The following ARHGAP26 variants were observed in gnomAD, a reference collection of about 807,000 sequenced individuals.
The protein encoded by ARHGAP26 is rho GTPase-activating protein 26.
A neutral mutation model predicts 104.8 loss-of-function variants in ARHGAP26; 38 were observed. That is an observed-to-expected ratio of 0.36 (90% confidence interval 0.28 to 0.48). The LOEUF (loss-of-function observed/expected upper bound fraction) is 0.48, where lower values mean the gene tolerates loss of function less well. Among genes scored for constraint, ARHGAP26 ranks in the 20% least tolerant of loss-of-function variants. The pLI is 0.99. For missense variants in ARHGAP26, 704 were observed against 947.9 expected (o/e 0.74, Z 3.38); for synonymous variants, 341 against 340.0 (o/e 1.00, Z -0.03).
intron 20 of ARHGAP26, among the ~76,000 whole-genome samples, chr5:143,162,490 A>G (rs1000088755): frequency 6.6e-6 from 1 of 152,182 alleles, no homozygotes; most frequent in African/African-American, 2.4e-5. Flanking sequence ...TGCTAATCCA[A>G]TAGAGACAAG....
intron 17 of ARHGAP26, among the ~76,000 whole-genome samples, chr5:143,063,069 C>A (rs1048068401): frequency 6.6e-6 from 1 of 152,196 alleles, no homozygotes; most frequent in Non-Finnish European, 1.5e-5. Context: ...CACTGAACAC[C>A]GCAGTGCTGC....
At chr5:143,135,231 T>C (rs910764220) in intron 19 of ARHGAP26, among the ~76,000 whole-genome samples, 12 of 152,228 alleles carry the variant, frequency 7.9e-5, no homozygotes, top group Non-Finnish European at 1.6e-4. Flanking sequence ...GGAAGTTACC[T>C]AATATCTCAG....
chr5:142,883,610 G>A (rs1757305131), intron 4 of ARHGAP26, among the ~76,000 whole-genome samples: 1 of 152,326 alleles, frequency 6.6e-6, no homozygotes, highest in Admixed American at 6.5e-5. Context: ...TAGGGCTCCG[G>A]GTGATGGCTT....
intron 11 of ARHGAP26, among the ~76,000 whole-genome samples, chr5:142,997,576 A>ATTTT (rs34395064): frequency 8.3e-6 from 1 of 120,674 alleles, no homozygotes. Flanking sequence ...TGCCTGGCTG[A>ATTTT]TTTTTTTTTT....
intron 20 of ARHGAP26, chr5:143,147,592 A>G (rs1489643687): frequency 1.7e-5 from 9 of 536,272 alleles, no homozygotes; most frequent in Non-Finnish European, 2.9e-5. Flanking sequence ...ACTGCTTCTT[A>G]GCCTTGGTGA....
chr5:142,778,897 C>G (rs1286495052), intron 1 of ARHGAP26, among the ~76,000 whole-genome samples: 2 of 151,680 alleles, frequency 1.3e-5, no homozygotes, highest in East Asian at 3.9e-4. Context: ...CTTAACAGAC[C>G]CTTCTGTTAG....
chr5:142,985,765 T>A (rs1774620584), intron 11 of ARHGAP26, among the ~76,000 whole-genome samples: 1 of 151,722 alleles, frequency 6.6e-6, no homozygotes, highest in Non-Finnish European at 1.5e-5. Context: ...TGTTTGGTTT[T>A]CTGTCCTTGC....
At chr5:143,071,763 G>A (rs1038819501) in intron 17 of ARHGAP26, among the ~76,000 whole-genome samples, 7 of 152,124 alleles carry the variant, frequency 4.6e-5, no homozygotes, top group African/African-American at 1.4e-4. Flanking sequence ...AATTAGCCAG[G>A]CGTGGTGGCA....
At chr5:142,988,337 T>C (rs887345249) in intron 11 of ARHGAP26, among the ~76,000 whole-genome samples, 2 of 152,214 alleles carry the variant, frequency 1.3e-5, no homozygotes, top group Non-Finnish European at 2.9e-5. Flanking sequence ...GGTGGTGATA[T>C]CCCCTTTATC....
intron 1 of ARHGAP26, chr5:142,771,413 A>C (rs1019184194): frequency 8.1e-7 from 1 of 1,231,820 alleles, no homozygotes; most frequent in Non-Finnish European, 1.0e-6. Flanking sequence ...ACGCAGCTCC[A>C]GCCTAGTCAG....
chr5:143,191,927 C>T (rs571245951), intron 20 of ARHGAP26, among the ~76,000 whole-genome samples: 2 of 148,546 alleles, frequency 1.3e-5, no homozygotes, highest in South Asian at 2.1e-4. Context: ...AGAGCTGTAC[C>T]GTTTTATGAC....
intron 10 of ARHGAP26, among the ~76,000 whole-genome samples, chr5:142,929,320 G>A (rs1267991065): frequency 1.3e-5 from 2 of 152,116 alleles, no homozygotes; most frequent in Admixed American, 6.5e-5. Context: ...TTTCAAACAT[G>A]AATTAAATTG....
At chr5:143,197,963 A>G (rs1048610325) in intron 20 of ARHGAP26, among the ~76,000 whole-genome samples, 2 of 152,232 alleles carry the variant, frequency 1.3e-5, no homozygotes, top group Non-Finnish European at 2.9e-5. Flanking sequence ...TGTCTAGTCC[A>G]TATCTGTACA....
chr5:142,942,525 G>A (rs1015559775), intron 11 of ARHGAP26, among the ~76,000 whole-genome samples: 1 of 152,162 alleles, frequency 6.6e-6, no homozygotes, highest in Non-Finnish European at 1.5e-5. Context: ...CTACTGTGGT[G>A]TGTTGCCTGC....
At chr5:143,145,496 T>G (rs1799047184) in intron 19 of ARHGAP26, among the ~76,000 whole-genome samples, 1 of 152,198 alleles carries the variant, frequency 6.6e-6, no homozygotes, top group Admixed American at 6.5e-5. Flanking sequence ...AAAATTTTAC[T>G]GATACTGATT....
chr5:143,065,256 T>C (rs1449036719), intron 17 of ARHGAP26, among the ~76,000 whole-genome samples: 1 of 152,094 alleles, frequency 6.6e-6, no homozygotes, highest in African/African-American at 2.4e-5. Context: ...ATGCCTCTCT[T>C]TTTGGCTGAG....
intron 19 of ARHGAP26, 135 bp from the exon 20 acceptor site, chr5:143,147,096 C>A: frequency 9.0e-7 from 1 of 1,105,128 alleles, no homozygotes; most frequent in Non-Finnish European, 1.3e-6. Context: ...TTAACCTTTT[C>A]TATGTTGTTT....
At chr5:142,808,724 C>G (rs1416215998) in intron 1 of ARHGAP26, among the ~76,000 whole-genome samples, 1 of 152,014 alleles carries the variant, frequency 6.6e-6, no homozygotes, top group African/African-American at 2.4e-5. Context: ...AGAGCATGGT[C>G]CATCTGTTTG....
intron 1 of ARHGAP26, among the ~76,000 whole-genome samples, chr5:142,848,205 C>T (rs1470435600): frequency 2.6e-5 from 4 of 152,142 alleles, no homozygotes; most frequent in Admixed American, 6.5e-5. Flanking sequence ...CTCTCTCAGC[C>T]GCCTGGTATT....
Sources: gnomAD v4.1 joint callset for allele counts (sites outside exome capture counted in the v4.1 genomes callset) on GRCh38, gnomAD v4.1.1 for gene constraint, MANE v1.5 for transcripts, NCBI Gene and HGNC (gene_info 2026-07-23, HGNC 2026-07-21) for gene names.